The following NSD3 variants were observed in gnomAD, a reference collection of about 807,000 sequenced individuals.
The protein encoded by NSD3 is histone-lysine N-methyltransferase NSD3.
Under a neutral mutation model 160.8 loss-of-function variants are expected in NSD3, and 24 were observed. That is an observed-to-expected ratio of 0.15 (90% CI 0.11 to 0.21). The LOEUF is 0.21. NSD3 is among the 10% of genes least tolerant of loss of function. NSD3 has a pLI of 1.00. For missense variants in NSD3, 1,157 were observed against 1,735.9 expected (o/e 0.67, Z 5.93); for synonymous variants, 520 against 600.0 (o/e 0.87, Z 1.95).
At position 38,329,067 on chromosome 8, in the gene NSD3, A is replaced by C. The variant is rs1332152876; in HGVS notation, c.1581+311T>G. Among the ~76,000 whole-genome samples, 9 of 152,222 alleles carry C rather than the reference A, an allele frequency of 5.9e-5. No individual in the cohort carries two copies. Among genetic ancestry groups the C allele is most frequent in the African/African-American group, 1.9e-4 (8 of 41,454 alleles). On this transcript the variant is annotated intron_variant, in intron 6 of 23. Transcript: ENST00000317025. This position sits in a 1 kb window ranked among gnomAD's most constrained non-coding sequence, Gnocchi z 4.8. ...TACACTTTGCAACTAAGAAAAGCTA[A>C]CTACGCAAACTAGAAACAGGCAAAG...
In NSD3 at chr8:38,357,595, T is replaced by C. The variant is rs567143566; in HGVS notation, c.-44-9380A>G. Among the ~76,000 whole-genome samples the C allele has an allele frequency of 5.3e-5, 8 of 152,306 alleles. No homozygotes were observed. The South Asian group carries it at 8.3e-4, about 16-fold the overall frequency. ...ATTTCCAAGAAGTAGTCACTTAAGCTCTAAGTTAGTCTGAGTAACTTTCCT... is the reference window on the plus strand; with the variant it reads ...ATTTCCAAGAAGTAGTCACTTAAGCCCTAAGTTAGTCTGAGTAACTTTCCT... On this transcript the variant is annotated intron_variant, in intron 1 of 23. Coordinates refer to ENST00000317025, the MANE Select transcript of NSD3 (RefSeq NM_023034.2).
At chr8:38,278,078 A>G (rs973307004) in intron 22 of NSD3, among the ~76,000 whole-genome samples, 1 of 151,990 alleles carries the variant, frequency 6.6e-6, no homozygotes, top group African/African-American at 2.4e-5. Flanking sequence ...AGCTGGGACT[A>G]CAGGCACCCA....
chr8:38,351,366 G>A (rs1392508023), intron 1 of NSD3, among the ~76,000 whole-genome samples: 2 of 151,514 alleles, frequency 1.3e-5, no homozygotes, highest in South Asian at 2.1e-4. Context: ...CTAGAATACT[G>A]TGAAGAAGGA....
At position 38,316,584 on chromosome 8, in the gene NSD3, A is replaced by G; in HGVS notation, c.1856-542T>C. The G allele has an allele frequency of 1.9e-6, 2 of 1,051,358 alleles. No individual in the cohort carries two copies. The highest frequency in any genetic ancestry group is 2.3e-6 in the Non-Finnish European group (2 of 870,482). 65.1% of individuals were successfully genotyped at this position (1,051,358 alleles called of 1,614,324 possible). On this transcript the variant is annotated intron_variant, in intron 9 of 23. Coordinates refer to ENST00000317025, the MANE Select transcript of NSD3 (RefSeq NM_023034.2). The surrounding 1 kb of genome is among the most constrained non-coding windows in gnomAD (Gnocchi z 4.5). ...AAAATTTGGATGTTCATAATTGTTC[A>G]TCTGAGACTTCCTTGGTGAAGTGGC...
intron 12 of NSD3, among the ~76,000 whole-genome samples, chr8:38,305,863 G>T (rs552421706): frequency 6.6e-6 from 1 of 152,046 alleles, no homozygotes; most frequent in East Asian, 1.9e-4. Context: ...TAATAAAAAA[G>T]AAAATTACAG....
rs140112625 is a variant in NSD3 at position 38,338,626 on chromosome 8, G to A, written c.676-19C>T. The A allele has an allele frequency of 6.1e-5, 97 of 1,595,054 alleles. No individual in the cohort carries two copies. The East Asian group carries it at 2.1e-3, about 35-fold the overall frequency. Reference sequence around the variant, plus strand: ...TTGGTCTCTAGGTGAAAAGGTATAGGTAAGTAGAATAAAATGGCATTAAAT... The same window carrying A: ...TTGGTCTCTAGGTGAAAAGGTATAGATAAGTAGAATAAAATGGCATTAAAT... On this transcript the variant is annotated intron_variant, in intron 2 of 23. Transcript: ENST00000317025.
Position 38,317,944 on chromosome 8 carries a change from T to C in NSD3, c.1855+951A>G. The stretch of plus-strand genomic sequence containing the variant: ...AAGTCTGGAGTTTCTGGGATGAAAT[T>C]GTACAGGAATCTCAGTCCACAGTTT... On this transcript the variant is annotated intron_variant, in intron 9 of 23. Transcript: ENST00000317025. This position sits in a 1 kb window ranked among gnomAD's most constrained non-coding sequence, Gnocchi z 5.3. 1.2e-6 allele frequency: 2 copies of C among 1,614,128 alleles called. No homozygotes were observed. The highest frequency in any genetic ancestry group is 1.7e-6 in the Non-Finnish European group (2 of 1,180,010).
chr8:38,343,890 G>A (rs1287685051), intron 2 of NSD3, among the ~76,000 whole-genome samples: 1 of 152,178 alleles, frequency 6.6e-6, no homozygotes, highest in Non-Finnish European at 1.5e-5. Flanking sequence ...AAGGGTTAAT[G>A]AGACTCTGCC....
intron 2 of NSD3, among the ~76,000 whole-genome samples, chr8:38,339,326 ATCTACT>A (rs1388946778): frequency 6.6e-6 from 1 of 152,188 alleles, no homozygotes; most frequent in East Asian, 1.9e-4. Context: ...GACCTTGCAA[ATCTACT>A]TCTAAGAATG....
At position 38,329,588 on chromosome 8, in the gene NSD3, A is replaced by G. The variant is rs766695350; in HGVS notation, c.1371T>C (p.Ser457=). ...CAGGCGGTGGCTCTTCCTCTTCCGC[A>G]CTTGTGTGCCGCCTCTGGCTATGTC... ...IRRHSQRRHT[S]AEEEEPPPVK... Residue 457 remains serine, a synonymous_variant, in exon 6 of 24, where the codon AGT becomes AGC. Transcript: ENST00000317025. This position sits in a 1 kb window ranked among gnomAD's most constrained non-coding sequence, Gnocchi z 4.8. 1.9e-6 allele frequency: 3 copies of G among 1,614,070 alleles called. No individual in the cohort carries two copies. Among genetic ancestry groups the G allele is most frequent in the Non-Finnish European group, 1.7e-6 (2 of 1,180,020 alleles).
At chr8:38,328,197 A>T (rs1348484831) in intron 6 of NSD3, among the ~76,000 whole-genome samples, 1 of 152,168 alleles carries the variant, frequency 6.6e-6, no homozygotes, top group African/African-American at 2.4e-5. Flanking sequence ...AAAAAGGAAA[A>T]AAATAAATAT....
At chr8:38,310,093 G>A (rs769504658) in intron 12 of NSD3, among the ~76,000 whole-genome samples, 4 of 151,784 alleles carry the variant, frequency 2.6e-5, no homozygotes, top group African/African-American at 9.7e-5. Flanking sequence ...TTAAGTGTAC[G>A]GTTCAGTAGC....
rs549893690 is a variant in NSD3, at chr8:38,301,160, G to A, written c.2612-1570C>T. 1.3e-5 allele frequency among the ~76,000 whole-genome samples: 2 copies of A among 152,140 alleles called. 1 individual carries two copies. The highest frequency in any genetic ancestry group is 4.2e-4 in the South Asian group (2 of 4,806). On this transcript the variant is annotated intron_variant, in intron 14 of 23. Transcript: ENST00000317025. Reference sequence around the variant, plus strand: ...ACGTTTTTGATTTTTTTGTAGAAACGAGGTCTTGCTATGTTGCCCAGGCTG... The same window carrying A: ...ACGTTTTTGATTTTTTTGTAGAAACAAGGTCTTGCTATGTTGCCCAGGCTG...
chr8:38,300,306 T>A (rs1303369384), intron 14 of NSD3, among the ~76,000 whole-genome samples: 2 of 152,000 alleles, frequency 1.3e-5, no homozygotes, highest in African/African-American at 4.8e-5. Context: ...GGACTACAGA[T>A]ACATGCCACC....
At chr8:38,276,007 A>T in intron 23 of NSD3, 125 bp from the exon 24 acceptor site, 1 of 925,606 alleles carries the variant, frequency 1.1e-6, no homozygotes, top group Non-Finnish European at 1.6e-6. Context: ...ATACAACTCC[A>T]AATTTCAACC....
intron 23 of NSD3, 120 bp downstream of exon 23, chr8:38,276,166 TGCCAGCGTAA>T: frequency 9.3e-7 from 1 of 1,072,268 alleles, no homozygotes; most frequent in South Asian, 1.6e-5. Context: ...GAAAGATTTT[TGCCAGCGTAA>T]TTTTTCGCTA....
rs1448802213 is a variant in NSD3 at position 38,272,541 on chromosome 8, A to C, written c.*3100T>G. On this transcript the variant is annotated 3_prime_UTR_variant, in exon 24 of 24. Transcript: ENST00000317025. Reference sequence around the variant, plus strand: ...GCGGTCCAGCCCCTCCCTCCCCTGCACAGTGCCTGAGAAAGTTTCCCAGGA... The same window carrying C: ...GCGGTCCAGCCCCTCCCTCCCCTGCCCAGTGCCTGAGAAAGTTTCCCAGGA... The C allele has an allele frequency of 6.6e-6, 1 of 152,268 alleles. No individual in the cohort carries two copies. Among genetic ancestry groups the C allele is most frequent in the Admixed American group, 6.5e-5 (1 of 15,286 alleles). 9.4% of individuals were successfully genotyped at this position (152,268 alleles called of 1,614,324 possible). A position where few individuals can be genotyped will look rare whatever the true frequency, so the allele number is the denominator to read the frequency against.
chr8:38,359,202 T>G (rs754776965), intron 1 of NSD3, among the ~76,000 whole-genome samples: 13 of 152,196 alleles, frequency 8.5e-5, no homozygotes, highest in Non-Finnish European at 1.6e-4. Context: ...AAATGTGTAT[T>G]GTTTAAAAAT....
chr8:38,328,435 C>A (rs1479066543), intron 6 of NSD3, among the ~76,000 whole-genome samples: 1 of 152,102 alleles, frequency 6.6e-6, no homozygotes, highest in Non-Finnish European at 1.5e-5. Flanking sequence ...TCAAGAGAAC[C>A]AAGTGGGGAC....
Sources: allele counts gnomAD v4.1 joint callset (sites outside exome capture counted in the v4.1 genomes callset), GRCh38; gene constraint gnomAD v4.1.1; non-coding constraint Gnocchi (gnomAD v3.1); transcripts MANE v1.5; gene names NCBI Gene and HGNC (gene_info 2026-07-23, HGNC 2026-07-21).